The following KIF15 variants were observed in gnomAD, a reference collection of about 807,000 sequenced individuals.
KIF15 encodes the protein kinesin family member 15, also known as kinesin-like protein KIF15.
KIF15 carries 140 observed loss-of-function variants against 190.6 expected under a neutral mutation model. The ratio of observed to expected loss-of-function variants is 0.73; its 90% CI spans 0.64 to 0.84. The LOEUF (loss-of-function observed/expected upper bound fraction) is 0.84, where lower values mean the gene tolerates loss of function less well. Among genes scored for constraint, KIF15 ranks in the 40% least tolerant of loss-of-function variants. The pLI, the probability that KIF15 is intolerant of heterozygous loss-of-function variation, is 0.00. For synonymous variants in KIF15, 528 were observed against 551.3 expected (o/e 0.96, Z 0.59); for missense variants, 1,372 against 1,584.4 (o/e 0.87, Z 2.28).
intron 25 of KIF15, 150 bp from the exon 26 acceptor site, chr3:44,830,746 C>G (rs1698028556): frequency 7.9e-6 from 6 of 754,800 alleles, no homozygotes; most frequent in Non-Finnish European, 1.0e-5. Context: ...CATTCATGCA[C>G]TTATTCTTCT....
Position 44,774,305 on chromosome 3 carries a change from A to T in KIF15, c.20-90A>T, listed in dbSNP as rs556256451. On this transcript the variant is annotated intron_variant, in intron 1 of 34. Transcript: ENST00000326047. Reference sequence around the variant, plus strand: ...AAAGTCAGGGATCTGAGGAGGCTGAATGTAGCAGGCAACCCAGGAACATGT... The same window carrying T: ...AAAGTCAGGGATCTGAGGAGGCTGATTGTAGCAGGCAACCCAGGAACATGT... The T allele has an allele frequency of 3.6e-6, 4 of 1,119,864 alleles. No individual in the cohort carries two copies. The Admixed American group carries it at 6.0e-5, about 17-fold the overall frequency. 69.4% of individuals were successfully genotyped at this position (1,119,864 alleles called of 1,614,324 possible). A position where few individuals can be genotyped will look rare whatever the true frequency, so the allele number is the denominator to read the frequency against.
intron 10 of KIF15, among the ~76,000 whole-genome samples, chr3:44,798,830 T>A (rs1575607520): frequency 1.3e-5 from 2 of 152,148 alleles, no homozygotes; most frequent in African/African-American, 4.8e-5. Context: ...CCTGACACTT[T>A]ATGTCTGGAG....
At chr3:44,863,869 G>A in intron 6 of KIF15, 1 of 316,932 alleles carries the variant, frequency 3.2e-6, no homozygotes, top group Non-Finnish European at 6.0e-6. Context: ...TGATCTTCAA[G>A]CACTGGTCAT....
chr3:44,794,390 G>C lies in KIF15; in HGVS notation c.813G>C (p.Arg271Ser). Residue 271 changes from arginine (R) to serine (S), a missense_variant, in exon 8 of 35, where the codon AGG becomes AGC. Physicochemically the swap from Arg to Ser is moderately radical, Grantham distance 110 (BLOSUM62 -1). Transcript: ENST00000326047. Reference sequence around the variant, plus strand: ...TGGTGGATTTAGCAGGATCTGAAAGGCAAAAAGATACCCATGCAGAAGGGA... The same window carrying C: ...TGGTGGATTTAGCAGGATCTGAAAGCCAAAAAGATACCCATGCAGAAGGGA... ...LNLVDLAGSE[R>S]QKDTHAEGMR... The C allele has an allele frequency of 6.2e-7, 1 of 1,609,154 alleles. No homozygotes were observed. The highest frequency in any genetic ancestry group is 8.5e-7 in the Non-Finnish European group (1 of 1,177,620).
At chr3:44,807,486 A>C (rs1707567570) in intron 16 of KIF15, among the ~76,000 whole-genome samples, 1 of 152,160 alleles carries the variant, frequency 6.6e-6, no homozygotes, top group Non-Finnish European at 1.5e-5. Context: ...CGCCTCCCAA[A>C]GTGCTGGGAT....
At chr3:44,843,579 T>C (rs1008307864) in intron 30 of KIF15, among the ~76,000 whole-genome samples, 2 of 152,244 alleles carry the variant, frequency 1.3e-5, no homozygotes, top group Non-Finnish European at 2.9e-5. Context: ...AATTCCCTAC[T>C]AGTTGGCTTT....
chr3:44,845,120 C>T (rs1053084929), intron 30 of KIF15, among the ~76,000 whole-genome samples: 3 of 152,116 alleles, frequency 2.0e-5, no homozygotes, highest in African/African-American at 4.8e-5. Context: ...CATGACTCTG[C>T]GAATAAGATT....
chr3:44,801,324 GC>G (rs946285832), intron 11 of KIF15, 125 bp from the exon 12 acceptor site: 3 of 562,978 alleles, frequency 5.3e-6, no homozygotes, highest in Non-Finnish European at 9.7e-6. Context: ...GAGCCACTGT[GC>G]CCGGCCACAG....
Position 44,852,207 on chromosome 3 carries a change from G to A in KIF15, c.3973-1G>A. The A allele has an allele frequency of 6.2e-7, 1 of 1,610,636 alleles. No individual in the cohort carries two copies. Among genetic ancestry groups the A allele is most frequent in the Non-Finnish European group, 8.5e-7 (1 of 1,178,402 alleles). ...TCCCTCCTTGGATTGATTACCTGCA[G>A]GAGATGGAAATGTTAAGGAAGCAGG... On this transcript the variant is annotated splice_acceptor_variant, in intron 33 of 34. Coordinates refer to ENST00000326047, the MANE Select transcript of KIF15 (RefSeq NM_020242.3). LOFTEE classifies it high-confidence loss of function.
At chr3:44,820,826 C>T (rs62244255) in intron 20 of KIF15, among the ~76,000 whole-genome samples, 65,395 of 149,050 alleles carry the variant, frequency 0.44, 14,565 homozygotes, top group East Asian at 0.79. Flanking sequence ...TCCACAAAAC[C>T]GCCATTGTCA....
chr3:44,827,534 A>AGCAGGTAAAT lies in KIF15; in HGVS notation c.2856+6_2856+7insGCAGGTAAAT, dbSNP rs1697735782. 6.3e-7 allele frequency: 1 copy of AGCAGGTAAAT among 1,597,444 alleles called. No individual in the cohort carries two copies. Among genetic ancestry groups the AGCAGGTAAAT allele is most frequent in the African/African-American group, 1.3e-5 (1 of 74,496 alleles). ...CGGCCAAGTGTGAGCAGCAGGTAAA[A>AGCAGGTAAAT]TTCCTGTTACTCTAACTCTAGTATT... On this transcript the variant is annotated splice_region_variant and intron_variant, in intron 23 of 34. Transcript: ENST00000326047.
chr3:44,847,557 A>G (rs1698902845), intron 30 of KIF15, among the ~76,000 whole-genome samples: 1 of 152,206 alleles, frequency 6.6e-6, no homozygotes, highest in South Asian at 2.1e-4. Flanking sequence ...CAAGGACTCC[A>G]CTAGCCTGAG....
At chr3:44,813,353 A>G (rs946508315) in intron 19 of KIF15, 173 bp downstream of exon 19, 8 of 464,368 alleles carry the variant, frequency 1.7e-5, no homozygotes, top group East Asian at 3.9e-5. Flanking sequence ...GTAATATATC[A>G]TAAAAGGTAA....
chr3:44,826,860 T>C (rs2125689441), intron 22 of KIF15: 1 of 283,286 alleles, frequency 3.5e-6, no homozygotes, highest in South Asian at 3.6e-5. Context: ...CTTCCCTCTT[T>C]CCAGGTTCCT....
chr3:44,858,757 C>T (rs143783504), intron 6 of KIF15, among the ~76,000 whole-genome samples: 1,597 of 152,208 alleles, frequency 0.01, 19 homozygotes, highest in Middle Eastern at 0.027. Flanking sequence ...GAAGCCTAGC[C>T]GTCAATACCC....
At chr3:44,852,461 TAAAA>T (rs375038429) in intron 34 of KIF15, 122 bp downstream of exon 34, 39 of 805,544 alleles carry the variant, frequency 4.8e-5, no homozygotes, top group Admixed American at 1.4e-4. Context: ...CTTCCTGAAT[TAAAA>T]AAAAAAAAAA....
chr3:44,841,704 A>AT (rs1698616548), intron 29 of KIF15, among the ~76,000 whole-genome samples: 1 of 151,968 alleles, frequency 6.6e-6, no homozygotes, highest in Non-Finnish European at 1.5e-5. Flanking sequence ...GGCCAATTTA[A>AT]TTTTTTAAAC....
chr3:44,797,762 T>C, intron 9 of KIF15, 72 bp from the exon 10 acceptor site: 8 of 1,603,842 alleles, frequency 5.0e-6, no homozygotes, highest in Non-Finnish European at 6.8e-6. Flanking sequence ...GTGGCAAGAG[T>C]ATACATTTTC....
At chr3:44,808,732 A>G (rs1448787692) in intron 16 of KIF15, among the ~76,000 whole-genome samples, 1 of 152,142 alleles carries the variant, frequency 6.6e-6, no homozygotes, top group Non-Finnish European at 1.5e-5. Flanking sequence ...AGGCTCAAGG[A>G]ATATGAGCCT....
Sources: gnomAD v4.1 joint callset for allele counts (sites outside exome capture counted in the v4.1 genomes callset) on GRCh38, gnomAD v4.1.1 for gene constraint, MANE v1.5 for transcripts, NCBI Gene and HGNC (gene_info 2026-07-23, HGNC 2026-07-21) for gene names.